TCF4: variants seen among roughly 807,000 people sequenced by gnomAD.
The protein encoded by TCF4 is SL3-3 enhancer factor 2.
TCF4 carries 3 observed loss-of-function variants against 82.1 expected under a neutral mutation model. That is an observed-to-expected ratio of 0.04 (90% CI 0.02 to 0.09). The LOEUF is 0.09. TCF4 is among the 10% of genes least tolerant of loss of function. The pLI is 1.00. For missense variants in TCF4, 518 were observed against 852.7 expected (o/e 0.61, Z 4.89); for synonymous variants, 276 against 309.6 (o/e 0.89, Z 1.14).
intron 3 of TCF4, among the ~76,000 whole-genome samples, chr18:55,474,092 C>T (rs1011692827): frequency 1.3e-5 from 2 of 152,124 alleles, no homozygotes; most frequent in African/African-American, 2.4e-5. Context: ...TGTAAAAATG[C>T]ATAAACTGTT....
intron 5 of TCF4, among the ~76,000 whole-genome samples, chr18:55,434,970 T>C (rs1281645980): frequency 6.6e-6 from 1 of 152,168 alleles, no homozygotes; most frequent in Non-Finnish European, 1.5e-5. Context: ...TTTTTAAATG[T>C]ACTATTAAAT....
Position 55,622,728 on chromosome 18 carries a change from C to G in TCF4, c.286+8570G>C, listed in dbSNP as rs141643291. Among the ~76,000 whole-genome samples, 11 of 152,266 alleles carry G rather than the reference C, an allele frequency of 7.2e-5. No individual in the cohort carries two copies. The East Asian group carries it at 2.1e-3, about 29-fold the overall frequency. Reference sequence around the variant, plus strand: ...TCTCCAGATTTTCCATCCAGATGCTCTTTCCACACAACAATGTTACCTCTC... The same window carrying G: ...TCTCCAGATTTTCCATCCAGATGCTGTTTCCACACAACAATGTTACCTCTC... On this transcript the variant is annotated intron_variant, in intron 2 of 20. Coordinates refer to the TCF4 transcript ENST00000398339.
intron 8 of TCF4, among the ~76,000 whole-genome samples, chr18:55,301,813 GT>G (rs1555848621): frequency 4.3e-5 from 2 of 46,732 alleles, no homozygotes; most frequent in African/African-American, 8.3e-5. Flanking sequence ...AAAAAAAAAA[GT>G]GGGGGGGGAT....
chr18:55,596,873 T>C (rs941580956), intron 2 of TCF4, among the ~76,000 whole-genome samples: 1 of 152,062 alleles, frequency 6.6e-6, no homozygotes, highest in African/African-American at 2.4e-5. Flanking sequence ...ATGGGTGATA[T>C]GGTTTGTCTC....
intron 6 of TCF4, among the ~76,000 whole-genome samples, chr18:55,368,298 T>C (rs1312355289): frequency 6.6e-6 from 1 of 152,142 alleles, no homozygotes; most frequent in African/African-American, 2.4e-5. Context: ...GGAGAATCAC[T>C]TGAACCCAGG....
chr18:55,576,049 G>A (rs2097525516), intron 3 of TCF4, among the ~76,000 whole-genome samples: 1 of 152,118 alleles, frequency 6.6e-6, no homozygotes, highest in East Asian at 1.9e-4. Context: ...ATCTTAAAAT[G>A]TTTTAAATAC....
chr18:55,562,026 C>A (rs904527983), intron 3 of TCF4, among the ~76,000 whole-genome samples: 1 of 152,198 alleles, frequency 6.6e-6, no homozygotes, highest in Non-Finnish European at 1.5e-5. Context: ...TAGGGGTCTA[C>A]AAACTACAGT....
chr18:55,467,870 C>T (rs117728099), intron 3 of TCF4, among the ~76,000 whole-genome samples: 10 of 152,278 alleles, frequency 6.6e-5, no homozygotes, highest in Admixed American at 2.0e-4. Flanking sequence ...TCAGACACTG[C>T]GCTAAACTCT....
At chr18:55,410,146 T>G (rs1318904991) in intron 5 of TCF4, among the ~76,000 whole-genome samples, 1 of 152,160 alleles carries the variant, frequency 6.6e-6, no homozygotes, top group Non-Finnish European at 1.5e-5. Context: ...CAAGGGATAA[T>G]GAAAAATGGG....
chr18:55,461,221 C>T, intron 4 of TCF4, 106 bp from the exon 5 acceptor site: 2 of 860,920 alleles, frequency 2.3e-6, no homozygotes, highest in Non-Finnish European at 3.7e-6. Context: ...AAATTGGAGT[C>T]CACTATTCCC....
intron 15 of TCF4, among the ~76,000 whole-genome samples, chr18:55,246,564 G>C (rs1384829463): frequency 6.6e-6 from 1 of 152,072 alleles, no homozygotes; most frequent in Non-Finnish European, 1.5e-5. Context: ...AGAGCTTAAA[G>C]GATCTTACTT....
chr18:55,410,696 A>C (rs1420112130), intron 5 of TCF4, among the ~76,000 whole-genome samples: 1 of 151,954 alleles, frequency 6.6e-6, no homozygotes, highest in Non-Finnish European at 1.5e-5. Flanking sequence ...CTCCGTTTGG[A>C]GTTTTCTAGA....
intron 5 of TCF4, among the ~76,000 whole-genome samples, chr18:55,427,276 G>A (rs1339311872): frequency 6.6e-6 from 1 of 152,120 alleles, no homozygotes; most frequent in Non-Finnish European, 1.5e-5. Context: ...ACATTGGAAG[G>A]GGAGCCTGGA....
intron 8 of TCF4, among the ~76,000 whole-genome samples, chr18:55,312,973 A>G (rs996774706): frequency 2.6e-5 from 4 of 152,134 alleles, no homozygotes; most frequent in Non-Finnish European, 5.9e-5. Flanking sequence ...TTGAGCATAC[A>G]AGTTTCTGCT....
chr18:55,622,665 C>T (rs976762977), intron 2 of TCF4, among the ~76,000 whole-genome samples: 2 of 152,004 alleles, frequency 1.3e-5, no homozygotes, highest in African/African-American at 2.4e-5. Flanking sequence ...GCAAGTGATC[C>T]GCCCAAAGTC....
At chr18:55,343,384 T>C (rs2080443669) in intron 8 of TCF4, among the ~76,000 whole-genome samples, 1 of 152,268 alleles carries the variant, frequency 6.6e-6, no homozygotes, top group East Asian at 1.9e-4. Flanking sequence ...CCTCTTCTTA[T>C]TACTCTGGAA....
At chr18:55,309,867 T>C (rs2071722071) in intron 8 of TCF4, among the ~76,000 whole-genome samples, 1 of 152,082 alleles carries the variant, frequency 6.6e-6, no homozygotes, top group Non-Finnish European at 1.5e-5. Context: ...CAAAAAAAGG[T>C]CAATACTCCC....
intron 8 of TCF4, among the ~76,000 whole-genome samples, chr18:55,311,111 C>T (rs1361371901): frequency 2.1e-5 from 3 of 143,212 alleles, no homozygotes; most frequent in East Asian, 4.0e-4. Flanking sequence ...TGTGCTATGC[C>T]AAAACAAACA....
intron 10 of TCF4, 93 bp downstream of exon 10, chr18:55,275,526 T>A: frequency 1.3e-6 from 2 of 1,563,344 alleles, no homozygotes; most frequent in Admixed American, 1.7e-5. Context: ...TTGCACTTAT[T>A]TGCAGAGTCC....
Sources: gnomAD v4.1 joint callset for allele counts (sites outside exome capture counted in the v4.1 genomes callset) on GRCh38, gnomAD v4.1.1 for gene constraint, MANE v1.5 for transcripts, NCBI Gene and HGNC (gene_info 2026-07-23, HGNC 2026-07-21) for gene names.